RAP1B: variants seen among roughly 807,000 people sequenced by gnomAD.
RAP1B encodes RAP1B, member of RAS oncogene family.
RAP1B carries 1 observed loss-of-function variant against 27.5 expected under a neutral mutation model. The observed-to-expected ratio is 0.04, with a 90% CI of 0.01 to 0.17. RAP1B has a LOEUF of 0.17. Ranked by LOEUF, RAP1B falls within the 10% of genes least tolerant of loss-of-function variation. The pLI, the probability that RAP1B is intolerant of heterozygous loss-of-function variation, is 1.00. For missense variants in RAP1B, 84 were observed against 214.8 expected (o/e 0.39, Z 3.81); for synonymous variants, 75 against 73.1 (o/e 1.03, Z -0.13).
chr12:68,627,273 A>C (rs1871866994), intron 1 of RAP1B: 2 of 931,476 alleles, frequency 2.1e-6, no homozygotes, highest in African/African-American at 3.2e-5. Flanking sequence ...CATACAATAC[A>C]ACACACAGGC....
chr12:68,632,410 A>G (rs1433928186), intron 1 of RAP1B, among the ~76,000 whole-genome samples: 1 of 152,144 alleles, frequency 6.6e-6, no homozygotes, highest in Non-Finnish European at 1.5e-5. Flanking sequence ...TTAGGATTAC[A>G]GGCATGAGCC....
intron 1 of RAP1B, among the ~76,000 whole-genome samples, chr12:68,614,883 A>G (rs1240893562): frequency 6.6e-6 from 1 of 152,250 alleles, no homozygotes; most frequent in Admixed American, 6.5e-5. Flanking sequence ...TGTAAATCTC[A>G]TAAGCACAGT....
Position 68,659,430 on chromosome 12 carries a change from A to T in RAP1B, c.*181A>T. 5.3e-6 allele frequency: 2 copies of T among 379,410 alleles called. No homozygotes were observed. Among genetic ancestry groups the T allele is most frequent in the South Asian group, 3.9e-5 (2 of 51,496 alleles). 23.5% of individuals were successfully genotyped at this position (379,410 alleles called of 1,614,324 possible). A position where few individuals can be genotyped will look rare whatever the true frequency, so the allele number is the denominator to read the frequency against. ...TTGCACATTCTAATCACTTTCCAGT[A>T]TCACAAGAGAGATTTTTACTTATAT... On this transcript the variant is annotated 3_prime_UTR_variant, in exon 8 of 8. Transcript: ENST00000250559.
chr12:68,632,185 G>A (rs1252265570), intron 1 of RAP1B, among the ~76,000 whole-genome samples: 3 of 142,888 alleles, frequency 2.1e-5, no homozygotes, highest in African/African-American at 8.2e-5. Flanking sequence ...TGTCACCCAG[G>A]CTGGAATGCA....
intron 1 of RAP1B, among the ~76,000 whole-genome samples, chr12:68,614,562 A>G (rs1870842888): frequency 6.6e-6 from 1 of 152,226 alleles, no homozygotes; most frequent in African/African-American, 2.4e-5. Context: ...AAACTTTCTG[A>G]GACATAGGTT....
In RAP1B at chr12:68,656,398, C is replaced by T. The variant is rs1280544398; in HGVS notation, c.417C>T (p.Asn139=). ...GTCAAAATCTAGCAAGACAATGGAA[C>T]AACTGTGCATTCTTAGAATCTTCTG... ...EQGQNLARQW[N]NCAFLESSAK... Residue 139 remains asparagine, a synonymous_variant, in exon 6 of 8, where the codon AAC becomes AAT. Coordinates refer to ENST00000250559, the MANE Select transcript of RAP1B (RefSeq NM_001010942.3). The T allele has an allele frequency of 6.2e-7, 1 of 1,610,786 alleles. No individual in the cohort carries two copies. Among genetic ancestry groups the T allele is most frequent in the East Asian group, 2.2e-5 (1 of 44,758 alleles).
At chr12:68,614,920 G>T (rs949097851) in intron 1 of RAP1B, among the ~76,000 whole-genome samples, 1 of 152,162 alleles carries the variant, frequency 6.6e-6, no homozygotes, top group Non-Finnish European at 1.5e-5. Flanking sequence ...AAGAATAGAT[G>T]AATTTATCCA....
rs1274756097 is a variant in RAP1B at position 68,662,922 on chromosome 12, TC to T, written c.*3674del. ...AGAAGGATTGCTTGATCCCAGGAGA[TC>T]AAGGATACAGTGAACTGTGTTCGCG... On this transcript the variant is annotated 3_prime_UTR_variant, in exon 8 of 8. Coordinates refer to ENST00000250559, the MANE Select transcript of RAP1B (RefSeq NM_001010942.3). 5.9e-5 allele frequency: 9 copies of T among 152,022 alleles called. No individual in the cohort carries two copies. Among genetic ancestry groups the T allele is most frequent in the Admixed American group, 4.6e-4 (7 of 15,250 alleles). 9.4% of individuals were successfully genotyped at this position (152,022 alleles called of 1,614,324 possible).
chr12:68,627,624 C>T (rs1008836127), intron 1 of RAP1B, among the ~76,000 whole-genome samples: 5 of 152,138 alleles, frequency 3.3e-5, no homozygotes, highest in Non-Finnish European at 4.4e-5. Context: ...CCTTACTTCA[C>T]GTCATGCTGG....
Position 68,626,394 on chromosome 12 carries a change from G to A in RAP1B, c.-27+15351G>A, listed in dbSNP as rs557051499. On this transcript the variant is annotated intron_variant, in intron 1 of 7. Transcript: ENST00000250559. ...TTCCCTAACTAATAGGGATATTTCTGTGGTGGTTGTAGTTACTTTGCAACC... is the reference window on the plus strand; with the variant it reads ...TTCCCTAACTAATAGGGATATTTCTATGGTGGTTGTAGTTACTTTGCAACC... 3.9e-5 allele frequency among the ~76,000 whole-genome samples: 6 copies of A among 152,300 alleles called. No individual in the cohort carries two copies. The East Asian group carries it at 1.2e-3, about 29-fold the overall frequency.
chr12:68,614,279 T>C (rs1428459186), intron 1 of RAP1B, among the ~76,000 whole-genome samples: 1 of 152,226 alleles, frequency 6.6e-6, no homozygotes, highest in Non-Finnish European at 1.5e-5. Context: ...CATTTACTTT[T>C]TCCCCATAAG....
At chr12:68,621,156 C>G (rs1397272686) in intron 1 of RAP1B, among the ~76,000 whole-genome samples, 1 of 152,180 alleles carries the variant, frequency 6.6e-6, no homozygotes, top group Admixed American at 6.5e-5. Context: ...TTCAGGGTAG[C>G]TTCAGGGATT....
intron 1 of RAP1B, among the ~76,000 whole-genome samples, chr12:68,622,342 C>A (rs556451170): frequency 2.0e-5 from 3 of 152,254 alleles, no homozygotes; most frequent in African/African-American, 7.2e-5. Context: ...ACAAAGTGAC[C>A]TTTTTAAAAA....
intron 1 of RAP1B, among the ~76,000 whole-genome samples, chr12:68,625,178 T>A (rs899701974): frequency 3.9e-5 from 6 of 152,260 alleles, no homozygotes; most frequent in Non-Finnish European, 8.8e-5. Context: ...ATTAAGTGTT[T>A]ATTCATATGT....
chr12:68,650,654 C>CCTG, intron 3 of RAP1B, 186 bp downstream of exon 3: 1 of 435,258 alleles, frequency 2.3e-6, no homozygotes, highest in South Asian at 6.5e-5. Flanking sequence ...CACCCATACT[C>CCTG]TCACATATTC....
intron 1 of RAP1B, among the ~76,000 whole-genome samples, chr12:68,631,184 TG>T (rs977681020): frequency 2.4e-4 from 36 of 152,204 alleles, no homozygotes; most frequent in African/African-American, 8.7e-4. Context: ...ATACCTACCC[TG>T]GCTGCACATA....
chr12:68,622,478 A>G (rs1437087584), intron 1 of RAP1B, among the ~76,000 whole-genome samples: 1 of 152,174 alleles, frequency 6.6e-6, no homozygotes, highest in Non-Finnish European at 1.5e-5. Context: ...CCCATTACTC[A>G]CTAAGCTCTA....
intron 1 of RAP1B, among the ~76,000 whole-genome samples, chr12:68,630,181 A>G (rs1872131530): frequency 6.6e-6 from 1 of 152,188 alleles, no homozygotes. Flanking sequence ...TTAATGGGCA[A>G]GGTCTATCCT....
At chr12:68,624,644 C>T (rs1871617689) in intron 1 of RAP1B, 1 of 152,086 alleles carries the variant, frequency 6.6e-6, no homozygotes, top group Non-Finnish European at 1.5e-5. Flanking sequence ...GGTGAAACCC[C>T]ATCTTTACTA....
Sources: allele counts gnomAD v4.1 joint callset (sites outside exome capture counted in the v4.1 genomes callset), GRCh38; gene constraint gnomAD v4.1.1; transcripts MANE v1.5; gene names NCBI Gene and HGNC (gene_info 2026-07-23, HGNC 2026-07-21).